Variants in TMEM87A observed in about 807,000 individuals in gnomAD.
TMEM87A encodes transmembrane protein 87A.
TMEM87A carries 50 observed loss-of-function variants against 90.0 expected under a neutral mutation model. The ratio of observed to expected loss-of-function variants is 0.56; its 90% CI spans 0.44 to 0.70. The LOEUF is 0.70. Ranked by LOEUF, TMEM87A falls within the 30% of genes least tolerant of loss-of-function variation. TMEM87A has a pLI of 0.00. For synonymous variants in TMEM87A, 226 were observed against 226.7 expected (o/e 1.00, Z 0.03); for missense variants, 577 against 660.5 (o/e 0.87, Z 1.39).
At chr15:42,231,918 A>G (rs1347452096) in intron 11 of TMEM87A, 10 of 1,267,174 alleles carry the variant, frequency 7.9e-6, no homozygotes, top group Non-Finnish European at 1.0e-5. Flanking sequence ...GAAAAATACT[A>G]TAGCAACAGC....
At chr15:42,213,526 G>T (rs1440881345) in intron 19 of TMEM87A, among the ~76,000 whole-genome samples, 1 of 152,176 alleles carries the variant, frequency 6.6e-6, no homozygotes, top group Non-Finnish European at 1.5e-5. Context: ...TATATTTTAG[G>T]TGCCTGGGGC....
chr15:42,254,177 A>C (rs540709143), intron 6 of TMEM87A, among the ~76,000 whole-genome samples: 7 of 152,300 alleles, frequency 4.6e-5, no homozygotes, highest in African/African-American at 1.7e-4. Flanking sequence ...TAACCCCATG[A>C]GTAAGGTAAT....
intron 19 of TMEM87A, among the ~76,000 whole-genome samples, chr15:42,215,229 G>T (rs1315167801): frequency 6.6e-6 from 1 of 152,214 alleles, no homozygotes; most frequent in South Asian, 2.1e-4. Context: ...GCCAGGTGCG[G>T]TGGCTCACGC....
chr15:42,216,961 C>CTT (rs200586475), intron 19 of TMEM87A, among the ~76,000 whole-genome samples: 53 of 138,390 alleles, frequency 3.8e-4, no homozygotes, highest in African/African-American at 1.3e-3. Context: ...TTTTTCTTTT[C>CTT]TTTTTTTTTT....
intron 14 of TMEM87A, 166 bp from the exon 15 acceptor site, chr15:42,227,075 T>G: frequency 1.6e-6 from 1 of 628,204 alleles, no homozygotes; most frequent in Non-Finnish European, 2.7e-6. Context: ...ACAAAGTGAA[T>G]GAATGTAGTT....
At chr15:42,263,413 T>A (rs1396739672) in intron 4 of TMEM87A, among the ~76,000 whole-genome samples, 2 of 152,136 alleles carry the variant, frequency 1.3e-5, no homozygotes, top group African/African-American at 4.8e-5. Context: ...GGAATTTTTG[T>A]TTAATAGGTA....
intron 11 of TMEM87A, 42 bp from the exon 12 acceptor site, chr15:42,231,302 G>A (rs201449697): frequency 1.3e-6 from 2 of 1,486,352 alleles, no homozygotes; most frequent in East Asian, 5.1e-5. Flanking sequence ...CAGATGTCTA[G>A]AGAGGCACAG....
At chr15:42,217,454 C>A (rs2050402054) in intron 19 of TMEM87A, among the ~76,000 whole-genome samples, 3 of 151,994 alleles carry the variant, frequency 2.0e-5, no homozygotes. Flanking sequence ...CAATATTTTT[C>A]CTTATTATTT....
intron 3 of TMEM87A, among the ~76,000 whole-genome samples, chr15:42,265,810 T>G (rs1436406327): frequency 1.3e-5 from 2 of 152,242 alleles, no homozygotes; most frequent in Non-Finnish European, 2.9e-5. Context: ...CAGAATGGTA[T>G]TGCCTAGGTT....
intron 15 of TMEM87A, among the ~76,000 whole-genome samples, chr15:42,222,096 C>T (rs1322400135): frequency 1.3e-5 from 2 of 152,084 alleles, no homozygotes; most frequent in African/African-American, 2.4e-5. Context: ...GAGTTTCACT[C>T]GTTGTCCAGA....
chr15:42,222,715 C>T lies in TMEM87A; in HGVS notation c.1404-2580G>A, dbSNP rs2050515447. Among the ~76,000 whole-genome samples the T allele has an allele frequency of 3.3e-5, 5 of 151,980 alleles. No individual in the cohort carries two copies. In the South Asian group the frequency reaches 1.0e-3, roughly 32 times the overall value. On this transcript the variant is annotated intron_variant, in intron 15 of 19. Coordinates refer to ENST00000389834, the MANE Select transcript of TMEM87A (RefSeq NM_015497.5). Reference sequence around the variant, plus strand: ...CTGGGATGACAGGCGCCTGCCACCACGCCTGGCTAATTGTTGTTATTTTTA... The same window carrying T: ...CTGGGATGACAGGCGCCTGCCACCATGCCTGGCTAATTGTTGTTATTTTTA...
chr15:42,272,052 CA>C lies in TMEM87A; in HGVS notation c.205+10del. The C allele has an allele frequency of 6.3e-7, 1 of 1,582,456 alleles. No homozygotes were observed. ...ATTCAAATTAAAACTTCATGAAATT[CA>C]AAAACTCACACTTCAGGAAGATAGT... is the stretch of plus-strand genomic sequence containing the variant. On this transcript the variant is annotated intron_variant, in intron 2 of 19. Coordinates refer to ENST00000389834, the MANE Select transcript of TMEM87A (RefSeq NM_015497.5).
intron 14 of TMEM87A, 112 bp from the exon 15 acceptor site, chr15:42,227,021 C>G (rs555076427): frequency 1.0e-5 from 10 of 995,474 alleles, no homozygotes; most frequent in South Asian, 8.8e-5. Context: ...GTTATGTTTA[C>G]TAAGAGCCTG....
At chr15:42,241,292 G>A (rs1246729302) in intron 7 of TMEM87A, among the ~76,000 whole-genome samples, 1 of 152,068 alleles carries the variant, frequency 6.6e-6, no homozygotes. Context: ...GCTACATAGA[G>A]AACTATCCCT....
At chr15:42,260,278 G>A (rs1267841308) in intron 6 of TMEM87A, among the ~76,000 whole-genome samples, 4 of 152,182 alleles carry the variant, frequency 2.6e-5, no homozygotes, top group African/African-American at 9.7e-5. Context: ...GGAGTCTGAG[G>A]CAGGAGGATC....
intron 6 of TMEM87A, among the ~76,000 whole-genome samples, chr15:42,250,695 T>C (rs2051069104): frequency 6.6e-6 from 1 of 152,204 alleles, no homozygotes; most frequent in African/African-American, 2.4e-5. Flanking sequence ...TCAACCTTGG[T>C]GAATCTGACA....
At chr15:42,238,741 G>A (rs1297053642) in intron 8 of TMEM87A, among the ~76,000 whole-genome samples, 9 of 127,584 alleles carry the variant, frequency 7.1e-5, no homozygotes, top group Admixed American at 5.8e-4. Flanking sequence ...GAGACAGAGT[G>A]AGACTCTCTT....
At chr15:42,267,058 T>C (rs1299652941) in intron 3 of TMEM87A, among the ~76,000 whole-genome samples, 1 of 152,174 alleles carries the variant, frequency 6.6e-6, no homozygotes, top group Non-Finnish European at 1.5e-5. Context: ...AAACTGGAAT[T>C]TTGAAGAACT....
chr15:42,228,767 A>G lies in TMEM87A; in HGVS notation c.1185T>C (p.Ile395=), dbSNP rs752580849. 5.0e-6 allele frequency: 8 copies of G among 1,608,518 alleles called. No homozygotes were observed. The highest frequency in any genetic ancestry group is 4.0e-5 in the African/African-American group (3 of 74,516). ...TMKLLKLRRN[I]VKLSLYRHFT... is the part of the protein sequence containing the mutation. ...AATGCCGATACAAAGAGAGTTTTACAATGTTCCTCCGAAGTTTTAATAGCT... is the reference window on the plus strand; with the variant it reads ...AATGCCGATACAAAGAGAGTTTTACGATGTTCCTCCGAAGTTTTAATAGCT... The change falls in exon 13 of 20, where the codon ATT becomes ATC. Residue 395 remains isoleucine, a synonymous_variant. Transcript: ENST00000389834.
Sources: allele counts gnomAD v4.1 joint callset (sites outside exome capture counted in the v4.1 genomes callset), GRCh38; gene constraint gnomAD v4.1.1; transcripts MANE v1.5; gene names NCBI Gene and HGNC (gene_info 2026-07-23, HGNC 2026-07-21).